SLC44A5: variants seen among roughly 807,000 people sequenced by gnomAD.
SLC44A5 encodes the protein solute carrier family 44 member 5.
Under a neutral mutation model 101.8 loss-of-function variants are expected in SLC44A5, and 57 were observed. That is an observed-to-expected ratio of 0.56 (90% CI 0.45 to 0.70). The LOEUF (loss-of-function observed/expected upper bound fraction) is 0.70. SLC44A5 is among the 30% of genes least tolerant of loss of function. The pLI is 0.00. For missense variants in SLC44A5, 737 were observed against 853.1 expected, an observed-to-expected ratio of 0.86 and a Z score of 1.70; for synonymous variants, 281 against 290.9, an observed-to-expected ratio of 0.97 and a Z score of 0.35.
rs1214415070 is a variant in SLC44A5 at position 75,256,792 on chromosome 1, A to G, written c.261-5498T>C. On this transcript the variant is annotated intron_variant, in intron 6 of 23. Coordinates refer to ENST00000370859, the MANE Select transcript of SLC44A5 (RefSeq NM_001130058.2). ...GACACTGACAAAAGTTAGCAGAACA[A>G]GAAGTAGAGGTATTGCATACTATTT... Among the ~76,000 whole-genome samples, 5 of 152,168 alleles carry G rather than the reference A, an allele frequency of 3.3e-5. No individual in the cohort carries two copies. The East Asian group carries it at 7.7e-4, about 23-fold the overall frequency.
chr1:75,306,888 T>C (rs974460410), intron 4 of SLC44A5, among the ~76,000 whole-genome samples: 4 of 151,664 alleles, frequency 2.6e-5, no homozygotes, highest in South Asian at 2.1e-4. Flanking sequence ...GCGCCCGCCA[T>C]CACGCCCGGC....
At chr1:75,491,100 C>G (rs181674384) in intron 2 of SLC44A5, among the ~76,000 whole-genome samples, 13 of 152,274 alleles carry the variant, frequency 8.5e-5, no homozygotes, top group Middle Eastern at 3.4e-3. Flanking sequence ...CCATTCCCCT[C>G]TCCAGGGATT....
At chr1:75,506,397 T>C (rs952964897) in intron 2 of SLC44A5, among the ~76,000 whole-genome samples, 1 of 152,168 alleles carries the variant, frequency 6.6e-6, no homozygotes, top group African/African-American at 2.4e-5. Context: ...AAAATGATGT[T>C]GATTGATAAG....
chr1:75,520,910 G>A (rs913158495), intron 2 of SLC44A5, among the ~76,000 whole-genome samples: 1 of 152,044 alleles, frequency 6.6e-6, no homozygotes, highest in African/African-American at 2.4e-5. Context: ...AGACAACACT[G>A]TCATATGTTC....
At chr1:75,477,781 G>C (rs1384544870) in intron 2 of SLC44A5, among the ~76,000 whole-genome samples, 2 of 152,198 alleles carry the variant, frequency 1.3e-5, no homozygotes, top group Non-Finnish European at 2.9e-5. Context: ...TCTGACTGGT[G>C]TACCTGAAAG....
chr1:75,399,682 T>A (rs1662351315), intron 2 of SLC44A5, among the ~76,000 whole-genome samples: 1 of 152,168 alleles, frequency 6.6e-6, no homozygotes. Flanking sequence ...GCAAAAAGCA[T>A]GTAAAAGCAA....
intron 13 of SLC44A5, 75 bp downstream of exon 13, chr1:75,227,651 C>A (rs1647238613): frequency 7.8e-7 from 1 of 1,277,564 alleles, no homozygotes. Flanking sequence ...TTATACCAAC[C>A]CAAGTTTTCC....
At chr1:75,627,542 G>A in the SLC44A5 span, among the ~76,000 whole-genome samples, 1 of 151,808 alleles carries the variant, frequency 6.6e-6, no homozygotes, top group Admixed American at 6.6e-5. Context: ...AAATATCCAG[G>A]CACGGTGGCA....
At chr1:75,321,479 A>T (rs979603199) in intron 4 of SLC44A5, among the ~76,000 whole-genome samples, 4 of 150,198 alleles carry the variant, frequency 2.7e-5, no homozygotes, top group African/African-American at 1.0e-4. Flanking sequence ...AGAGAGAGAG[A>T]GATCATCCCT....
chr1:75,704,189 A>G, the SLC44A5 span, among the ~76,000 whole-genome samples: 6 of 152,206 alleles, frequency 3.9e-5, no homozygotes, highest in African/African-American at 1.4e-4. Context: ...AACAAATTCT[A>G]TACAACCATA....
intron 5 of SLC44A5, among the ~76,000 whole-genome samples, chr1:75,289,254 T>C (rs940086625): frequency 1.4e-4 from 22 of 152,362 alleles, no homozygotes; most frequent in African/African-American, 4.6e-4. Flanking sequence ...TGTCACTGGG[T>C]CTAAAATACC....
the SLC44A5 span, among the ~76,000 whole-genome samples, chr1:75,688,551 G>A: frequency 1.3e-5 from 2 of 152,134 alleles, no homozygotes; most frequent in Non-Finnish European, 2.9e-5. Flanking sequence ...TGTTCAGATA[G>A]ATATTGCATG....
the SLC44A5 span, among the ~76,000 whole-genome samples, chr1:75,624,195 T>A: frequency 6.6e-6 from 1 of 152,156 alleles, no homozygotes; most frequent in African/African-American, 2.4e-5. Flanking sequence ...TGTATTCTAA[T>A]ACATTGAATA....
chr1:75,241,954 C>A, intron 9 of SLC44A5, 47 bp downstream of exon 9: 1 of 1,493,032 alleles, frequency 6.7e-7, no homozygotes, highest in Non-Finnish European at 9.3e-7. Flanking sequence ...AATTAAGTAG[C>A]ATTTTGGTAG....
intron 2 of SLC44A5, among the ~76,000 whole-genome samples, chr1:75,423,206 T>G (rs1557769594): frequency 6.6e-6 from 1 of 152,200 alleles, no homozygotes; most frequent in Non-Finnish European, 1.5e-5. Flanking sequence ...CTCACACATA[T>G]GGCAATTTCA....
chr1:75,311,614 C>G (rs1655306503), intron 4 of SLC44A5: 1 of 976,440 alleles, frequency 1.0e-6, no homozygotes, highest in African/African-American at 1.8e-5. Context: ...TAATGAGGTA[C>G]CTATTTTGTG....
intron 6 of SLC44A5, among the ~76,000 whole-genome samples, chr1:75,261,388 C>A (rs1346462385): frequency 6.6e-6 from 1 of 152,170 alleles, no homozygotes; most frequent in Non-Finnish European, 1.5e-5. Flanking sequence ...ATACTGTAAA[C>A]ACCTCTACTC....
intron 3 of SLC44A5, among the ~76,000 whole-genome samples, chr1:75,389,754 CT>C (rs1439352290): frequency 6.6e-6 from 1 of 151,938 alleles, no homozygotes; most frequent in Non-Finnish European, 1.5e-5. Flanking sequence ...CTTAGAGGAA[CT>C]AGAAAAACAA....
At chr1:75,656,553 C>T in the SLC44A5 span, among the ~76,000 whole-genome samples, 39 of 152,256 alleles carry the variant, frequency 2.6e-4, 1 homozygote, top group South Asian at 8.1e-3. Flanking sequence ...AATTTTTTCT[C>T]TGCTTAATTG....
Sources: allele counts gnomAD v4.1 joint callset (sites outside exome capture counted in the v4.1 genomes callset), GRCh38; gene constraint gnomAD v4.1.1; transcripts MANE v1.5; gene names NCBI Gene and HGNC (gene_info 2026-07-23, HGNC 2026-07-21).